Variants in JAG2 observed in about 807,000 individuals in gnomAD.
JAG2 encodes the protein protein jagged-2.
In JAG2, 46 loss-of-function variants were observed where a neutral mutation model predicts 141.7. The ratio of observed to expected loss-of-function variants is 0.32; its 90% confidence interval spans 0.26 to 0.42. JAG2 has a LOEUF of 0.42. Among genes scored for constraint, JAG2 ranks in the 10% least tolerant of loss-of-function variants. JAG2 has a pLI of 1.00. For synonymous variants in JAG2, 862 were observed against 763.5 expected (o/e 1.13, Z -2.13); for missense variants, 1,500 against 1,817.5 (o/e 0.83, Z 3.18).
At chr14:105,161,060 C>T (rs1003622252) in intron 2 of JAG2, among the ~76,000 whole-genome samples, 2 of 151,614 alleles carry the variant, frequency 1.3e-5, no homozygotes, top group Non-Finnish European at 1.5e-5. Flanking sequence ...TGAGGCTAAG[C>T]GAAGTGGGTG....
At position 105,141,592 on chromosome 14, in the gene JAG2, C is replaced by T. The variant is rs587696565; in HGVS notation, c.*1103G>A. The T allele has an allele frequency of 4.6e-5, 7 of 152,280 alleles. No individual in the cohort carries two copies. The highest frequency in any genetic ancestry group is 7.2e-5 in the African/African-American group (3 of 41,550). 9.4% of individuals were successfully genotyped at this position (152,280 alleles called of 1,614,324 possible). On this transcript the variant is annotated 3_prime_UTR_variant, in exon 26 of 26. Coordinates refer to ENST00000331782, the MANE Select transcript of JAG2 (RefSeq NM_002226.5). ...CTGGCAGGCCCCGACTCAACAGAACCGTCTCGCCCTCTACAGCCACCACAG... is the reference window on the plus strand; with the variant it reads ...CTGGCAGGCCCCGACTCAACAGAACTGTCTCGCCCTCTACAGCCACCACAG...
intron 2 of JAG2, among the ~76,000 whole-genome samples, chr14:105,161,900 C>A (rs587661738): frequency 1.3e-5 from 2 of 152,240 alleles, no homozygotes; most frequent in East Asian, 1.9e-4. Context: ...CAACCTCTCA[C>A]CCCTGTCCTT....
chr14:105,157,988 G>T (rs1178722963), intron 2 of JAG2, among the ~76,000 whole-genome samples: 2 of 152,218 alleles, frequency 1.3e-5, no homozygotes, highest in African/African-American at 4.8e-5. Context: ...GGCCACGCGG[G>T]CTCAGGGGCC....
rs1408061847 is a variant in JAG2, at chr14:105,167,220, T to C, written c.417+537A>G. Reference sequence around the variant, plus strand: ...CCACTATCTCTGTCTCTGAACGATCTTGGGTCACCATCGGGGGCTTCTGCC... The same window carrying C: ...CCACTATCTCTGTCTCTGAACGATCCTGGGTCACCATCGGGGGCTTCTGCC... On this transcript the variant is annotated intron_variant, in intron 2 of 25. Coordinates refer to ENST00000331782, the MANE Select transcript of JAG2 (RefSeq NM_002226.5). The surrounding 1 kb of genome is among the most constrained non-coding windows in gnomAD (Gnocchi z 4.8). Among the ~76,000 whole-genome samples, 1 of 152,342 alleles carries C rather than the reference T, an allele frequency of 6.6e-6. No individual in the cohort carries two copies. The highest frequency in any genetic ancestry group is 2.1e-4 in the South Asian group (1 of 4,830).
intron 23 of JAG2, 114 bp downstream of exon 23, chr14:105,145,617 G>T: frequency 7.4e-7 from 1 of 1,348,072 alleles, no homozygotes; most frequent in Non-Finnish European, 1.0e-6. Flanking sequence ...GACCAAGAGT[G>T]ACTCTGCTCA....
At chr14:105,152,387 C>A in intron 5 of JAG2, 96 bp from the exon 6 acceptor site, 4 of 1,453,584 alleles carry the variant, frequency 2.8e-6, no homozygotes, top group Non-Finnish European at 3.8e-6. Context: ...ACACCCAGGG[C>A]CGGCGGGCGG....
At chr14:105,144,388 C>T (rs1363908143) in intron 24 of JAG2, among the ~76,000 whole-genome samples, 2 of 152,092 alleles carry the variant, frequency 1.3e-5, no homozygotes, top group Non-Finnish European at 2.9e-5. Flanking sequence ...GGCACCAAAA[C>T]ACTGCACGTC....
At chr14:105,162,151 G>C (rs1212991698) in intron 2 of JAG2, among the ~76,000 whole-genome samples, 1 of 152,054 alleles carries the variant, frequency 6.6e-6, no homozygotes, top group Non-Finnish European at 1.5e-5. Context: ...GGCAAGCAGG[G>C]AGAGGAACCC....
In JAG2 at chr14:105,148,043, C is replaced by T. The variant is rs373054549; in HGVS notation, c.2248+73G>A. 4.6e-6 allele frequency: 6 copies of T among 1,308,428 alleles called. No individual in the cohort carries two copies. The African/African-American group carries it at 8.8e-5, about 19-fold the overall frequency. The allele number at this position is 1,308,428 out of a possible 1,614,324, so 81.1% of individuals were successfully genotyped here. A position where few individuals can be genotyped will look rare whatever the true frequency, so the allele number is the denominator to read the frequency against. ...TGGCCCTCAAAAAAGACCCCTCGGCCCATCGCGCCCGAGGGAGCGGTGCCT... is the reference window on the plus strand; with the variant it reads ...TGGCCCTCAAAAAAGACCCCTCGGCTCATCGCGCCCGAGGGAGCGGTGCCT... On this transcript the variant is annotated intron_variant, in intron 17 of 25. Coordinates refer to ENST00000331782, the MANE Select transcript of JAG2 (RefSeq NM_002226.5).
Position 105,142,324 on chromosome 14 carries a change from A to G in JAG2, c.*371T>C. ...GGGTCTCACCGGCACTTTGGCCTGGAGCCACAGAGAAACCCGAGTGAGGAA... is the reference window on the plus strand; with the variant it reads ...GGGTCTCACCGGCACTTTGGCCTGGGGCCACAGAGAAACCCGAGTGAGGAA... On this transcript the variant is annotated 3_prime_UTR_variant, in exon 26 of 26. Coordinates refer to ENST00000331782, the MANE Select transcript of JAG2 (RefSeq NM_002226.5). 1 of 218,878 alleles carries G rather than the reference A, an allele frequency of 4.6e-6. No homozygotes were observed. Among genetic ancestry groups the G allele is most frequent in the Non-Finnish European group, 9.0e-6 (1 of 110,586 alleles). The allele number at this position is 218,878 out of a possible 1,614,324, so 13.6% of individuals were successfully genotyped here. A position where few individuals can be genotyped will look rare whatever the true frequency, so the allele number is the denominator to read the frequency against.
In JAG2 at chr14:105,151,052, G is replaced by GT. The variant is rs769290011; in HGVS notation, c.1319dup (p.Asn440LysfsTer9). The GT allele has an allele frequency of 6.2e-7, 1 of 1,613,414 alleles. No homozygotes were observed. Among genetic ancestry groups the GT allele is most frequent in the Admixed American group, 1.7e-5 (1 of 60,002 alleles). On this transcript the variant is annotated frameshift_variant, in exon 10 of 26. Transcript: ENST00000331782. LOFTEE classifies it high-confidence loss of function. The stretch of plus-strand genomic sequence containing the variant: ...AATCACAGTAATAGCCGCCAATCAG[G>GT]TTTTTGCAAGAAAAAGCGTTAAGGC...
intron 2 of JAG2, among the ~76,000 whole-genome samples, chr14:105,162,761 T>C (rs932043676): frequency 1.2e-5 from 1 of 82,402 alleles, no homozygotes; most frequent in East Asian, 3.0e-4. Flanking sequence ...GTGCACCCCA[T>C]GGCCCAGTGT....
intron 22 of JAG2, 47 bp from the exon 23 acceptor site, chr14:105,146,020 T>TCAGATGC (rs780382151): frequency 2.5e-6 from 4 of 1,571,878 alleles, no homozygotes; most frequent in Admixed American, 3.6e-5. Context: ...CACAGGAGGG[T>TCAGATGC]CAGATGCAGG....
intron 2 of JAG2, among the ~76,000 whole-genome samples, chr14:105,163,085 A>G (rs1301391809): frequency 6.6e-6 from 1 of 152,088 alleles, no homozygotes; most frequent in Non-Finnish European, 1.5e-5. Context: ...TGCCCCACCA[A>G]CGCCCCGACT....
At chr14:105,153,788 G>A (rs1029034043) in intron 5 of JAG2, among the ~76,000 whole-genome samples, 5 of 152,194 alleles carry the variant, frequency 3.3e-5, no homozygotes, top group Non-Finnish European at 7.4e-5. Context: ...CAACTTCTCT[G>A]CTGCCTTCCT....
In JAG2 at chr14:105,148,745, T is replaced by C. The variant is rs1466818903; in HGVS notation, c.2020A>G (p.Asn674Asp). ...TGTGGGCGGGTGCTGGAACACTCAC[T>C]GGTGTCGCAGAGCTCGCCCTCCCAG... Reference protein sequence around the residue: ...SGWEGELCDTNPNDCLPDPCH... With the variant: ...SGWEGELCDTDPNDCLPDPCH... Residue 674 changes from asparagine to aspartate, a missense_variant and splice_region_variant, in exon 15 of 26, where the codon AAT (asparagine) becomes GAT (aspartate). Around this residue, in one of 3 missense-constraint regions of JAG2, gnomAD observed 875 missense variants for 1,202.2 expected, o/e 0.73. Transcript: ENST00000331782. 7.0e-6 allele frequency: 11 copies of C among 1,562,558 alleles called. No homozygotes were observed. Among genetic ancestry groups the C allele is most frequent in the Non-Finnish European group, 8.7e-6 (10 of 1,154,004 alleles).
rs767893019 is a variant in JAG2, at chr14:105,146,382, C to T, written c.2709+3G>A. 7 of 1,611,638 alleles carry T rather than the reference C, an allele frequency of 4.3e-6. No individual in the cohort carries two copies. In the African/African-American group the frequency reaches 6.7e-5, roughly 15 times the overall value. ...GGCAGGGCGGCTCACGGGCTGCCCT[C>T]ACCTTGCTGCAGTCACGGCGGCCAT... On this transcript the variant is annotated splice_donor_region_variant and intron_variant, in intron 22 of 25. Transcript: ENST00000331782.
At chr14:105,149,450 C>T (rs1888343886) in intron 12 of JAG2, 130 bp from the exon 13 acceptor site, 2 of 1,140,930 alleles carry the variant, frequency 1.8e-6, no homozygotes, top group Admixed American at 4.1e-5. Flanking sequence ...CTAACAGTGC[C>T]AGCCAGAGCC....
At chr14:105,164,590 C>T (rs1460273020) in intron 2 of JAG2, among the ~76,000 whole-genome samples, 1 of 152,234 alleles carries the variant, frequency 6.6e-6, no homozygotes, top group African/African-American at 2.4e-5. Context: ...TCACACCTGC[C>T]ACGAGCAGCT....
Sources: gnomAD v4.1 joint callset for allele counts (sites outside exome capture counted in the v4.1 genomes callset) on GRCh38, gnomAD v4.1.1 for gene constraint, gnomAD v4.1.1 regional missense constraint, Gnocchi (gnomAD v3.1) non-coding constraint, MANE v1.5 for transcripts, NCBI Gene and HGNC (gene_info 2026-07-23, HGNC 2026-07-21) for gene names.